The following CLSTN2 variants were observed in gnomAD, a reference collection of about 807,000 sequenced individuals.
CLSTN2 encodes the protein calsyntenin-2.
Under a neutral mutation model 101.2 loss-of-function variants are expected in CLSTN2, and 48 were observed. The observed-to-expected ratio is 0.47, with a 90% CI of 0.38 to 0.60. CLSTN2 has a LOEUF of 0.60. Ranked by LOEUF, CLSTN2 falls within the 20% of genes least tolerant of loss-of-function variation. The pLI is 0.00. For synonymous variants in CLSTN2, 481 were observed against 463.6 expected (o/e 1.04, Z -0.48); for missense variants, 1,160 against 1,238.2 (o/e 0.94, Z 0.95).
intron 2 of CLSTN2, among the ~76,000 whole-genome samples, chr3:140,400,164 C>T (rs2088224147): frequency 6.6e-6 from 1 of 152,152 alleles, no homozygotes; most frequent in South Asian, 2.1e-4. Context: ...GGAAGTGTGG[C>T]CTCTTGGGGA....
chr3:140,491,885 T>C (rs1289161823), intron 8 of CLSTN2, among the ~76,000 whole-genome samples: 1 of 152,190 alleles, frequency 6.6e-6, no homozygotes, highest in Non-Finnish European at 1.5e-5. Flanking sequence ...AGAAGAGGTA[T>C]GTGAATTTGT....
intron 1 of CLSTN2, among the ~76,000 whole-genome samples, chr3:140,125,269 TC>T (rs1401251883): frequency 6.6e-6 from 1 of 151,932 alleles, no homozygotes; most frequent in African/African-American, 2.4e-5. Context: ...GTGGGGAGTG[TC>T]AGAGTCCATT....
intron 2 of CLSTN2, among the ~76,000 whole-genome samples, chr3:140,260,045 G>C (rs1488549174): frequency 6.6e-6 from 1 of 151,514 alleles, no homozygotes; most frequent in Non-Finnish European, 1.5e-5. Flanking sequence ...GATGAAATCA[G>C]TTGTACACCA....
At chr3:140,147,157 A>C (rs376410243) in intron 1 of CLSTN2, among the ~76,000 whole-genome samples, 6 of 152,252 alleles carry the variant, frequency 3.9e-5, no homozygotes, top group South Asian at 2.1e-4. Context: ...ACTTCCGTGC[A>C]TTTAGGTAAA....
intron 1 of CLSTN2, among the ~76,000 whole-genome samples, chr3:140,112,369 G>GTT (rs148895564): frequency 7.3e-5 from 11 of 151,512 alleles, no homozygotes; most frequent in African/African-American, 2.7e-4. Context: ...GTGTGTGTGT[G>GTT]TTTTTTACTA....
intron 1 of CLSTN2, among the ~76,000 whole-genome samples, chr3:139,943,590 C>G (rs531012433): frequency 6.6e-6 from 1 of 152,188 alleles, no homozygotes; most frequent in Non-Finnish European, 1.5e-5. Context: ...GTGTCTACTT[C>G]CACAGGCAAC....
At chr3:140,565,276 A>G (rs867854188) in intron 16 of CLSTN2, among the ~76,000 whole-genome samples, 5 of 152,154 alleles carry the variant, frequency 3.3e-5, no homozygotes, top group African/African-American at 7.2e-5. Flanking sequence ...GAGACCTTGA[A>G]GAGTGGGTAG....
chr3:140,178,949 TAC>T (rs1271092474), intron 2 of CLSTN2, among the ~76,000 whole-genome samples: 2 of 152,170 alleles, frequency 1.3e-5, no homozygotes, highest in Non-Finnish European at 2.9e-5. Context: ...ATTTCATCCA[TAC>T]CATTTGTGCT....
At chr3:139,987,544 A>T (rs775114503) in intron 1 of CLSTN2, among the ~76,000 whole-genome samples, 1 of 152,212 alleles carries the variant, frequency 6.6e-6, no homozygotes. Flanking sequence ...GCCTGCCATT[A>T]TGCCATCGGC....
chr3:140,493,212 T>C (rs1444591048), intron 8 of CLSTN2, among the ~76,000 whole-genome samples: 2 of 152,222 alleles, frequency 1.3e-5, no homozygotes, highest in African/African-American at 4.8e-5. Context: ...CACATGGCTT[T>C]ATCTCAGACA....
intron 1 of CLSTN2, among the ~76,000 whole-genome samples, chr3:140,138,495 T>C (rs187180213): frequency 6.6e-6 from 1 of 152,178 alleles, no homozygotes; most frequent in African/African-American, 2.4e-5. Context: ...GGTAGCACAG[T>C]TGGCAAGGAG....
At chr3:140,382,061 A>C (rs1157358663) in intron 2 of CLSTN2, among the ~76,000 whole-genome samples, 1 of 152,144 alleles carries the variant, frequency 6.6e-6, no homozygotes, top group Non-Finnish European at 1.5e-5. Context: ...TTTTCTACCC[A>C]AAATGCAGTG....
intron 2 of CLSTN2, among the ~76,000 whole-genome samples, chr3:140,313,157 T>TC (rs890538110): frequency 2.0e-5 from 3 of 151,672 alleles, no homozygotes; most frequent in Admixed American, 6.6e-5. Context: ...GGTAGAAAAG[T>TC]CCCCCCCAAA....
At chr3:140,499,250 C>T (rs1934524897) in intron 8 of CLSTN2, among the ~76,000 whole-genome samples, 1 of 152,198 alleles carries the variant, frequency 6.6e-6, no homozygotes, top group Admixed American at 6.5e-5. Flanking sequence ...TCTGAAGACG[C>T]TTCTCTTTCT....
chr3:140,335,762 A>G (rs529700001), intron 2 of CLSTN2, among the ~76,000 whole-genome samples: 3 of 152,316 alleles, frequency 2.0e-5, no homozygotes, highest in African/African-American at 7.2e-5. Context: ...TAATTCAATC[A>G]TACACCTGTA....
intron 2 of CLSTN2, among the ~76,000 whole-genome samples, chr3:140,204,526 T>A (rs999313472): frequency 6.6e-6 from 1 of 152,246 alleles, no homozygotes; most frequent in East Asian, 1.9e-4. Flanking sequence ...TATTTGCATG[T>A]GTATGTGTTT....
chr3:140,129,640 G>A (rs2009492280), intron 1 of CLSTN2, among the ~76,000 whole-genome samples: 1 of 152,158 alleles, frequency 6.6e-6, no homozygotes, highest in Admixed American at 6.6e-5. Flanking sequence ...GCAGCATCTA[G>A]CAACCCCTTG....
chr3:140,407,929 T>C (rs1378316956), intron 4 of CLSTN2, among the ~76,000 whole-genome samples: 1 of 152,170 alleles, frequency 6.6e-6, no homozygotes, highest in East Asian at 1.9e-4. Context: ...ATGGCAGTGA[T>C]GTTTAAGTTT....
At chr3:140,000,070 G>T (rs2006794797) in intron 1 of CLSTN2, among the ~76,000 whole-genome samples, 1 of 148,348 alleles carries the variant, frequency 6.7e-6, no homozygotes, top group Admixed American at 6.8e-5. Flanking sequence ...ACTGTGATGG[G>T]CATTTCATAT....
Sources: allele counts gnomAD v4.1 joint callset (sites outside exome capture counted in the v4.1 genomes callset), GRCh38; gene constraint gnomAD v4.1.1; transcripts MANE v1.5; gene names NCBI Gene and HGNC (gene_info 2026-07-23, HGNC 2026-07-21).